The following FNTA variants were observed in gnomAD, a reference collection of about 807,000 sequenced individuals.
The protein encoded by FNTA is protein farnesyltransferase/geranylgeranyltransferase type-1 subunit alpha.
Under a neutral mutation model 55.2 loss-of-function variants are expected in FNTA, and 27 were observed. The ratio of observed to expected loss-of-function variants is 0.49; its 90% confidence interval spans 0.36 to 0.67. The LOEUF is 0.67. Ranked by LOEUF, FNTA falls within the 30% of genes least tolerant of loss-of-function variation. The pLI is 0.00. For synonymous variants in FNTA, 176 were observed against 170.7 expected, an observed-to-expected ratio of 1.03 and a Z score of -0.24; for missense variants, 422 against 464.7, an observed-to-expected ratio of 0.91 and a Z score of 0.85.
At chr8:43,084,987 TG>T in intron 8 of FNTA, 106 bp downstream of exon 8, 1 of 1,260,796 alleles carries the variant, frequency 7.9e-7, no homozygotes, top group Non-Finnish European at 1.1e-6. Context: ...CAGAATTCAG[TG>T]CAGGGCTATT....
At chr8:43,066,492 C>T (rs946371397) in intron 3 of FNTA, among the ~76,000 whole-genome samples, 4 of 151,576 alleles carry the variant, frequency 2.6e-5, no homozygotes, top group Admixed American at 6.6e-5. Flanking sequence ...ATCTCCTGAC[C>T]TCGTGATCCG....
At chr8:43,071,069 G>A (rs1181636563) in intron 4 of FNTA, among the ~76,000 whole-genome samples, 4 of 152,154 alleles carry the variant, frequency 2.6e-5, no homozygotes, top group Non-Finnish European at 5.9e-5. Flanking sequence ...TTCCAGGCAT[G>A]TAGAATAGGT....
intron 2 of FNTA, among the ~76,000 whole-genome samples, chr8:43,060,120 C>T (rs748915780): frequency 2.6e-5 from 4 of 152,136 alleles, no homozygotes; most frequent in Admixed American, 1.3e-4. Context: ...AGATGTAAAC[C>T]TCAGAATCGA....
intron 4 of FNTA, among the ~76,000 whole-genome samples, chr8:43,071,919 T>C (rs899805113): frequency 2.6e-5 from 4 of 152,242 alleles, no homozygotes; most frequent in Non-Finnish European, 4.4e-5. Context: ...TCTCTCATTA[T>C]ACAATCTAGT....
chr8:43,069,517 G>T, intron 3 of FNTA, 38 bp from the exon 4 acceptor site: 1 of 1,293,568 alleles, frequency 7.7e-7, no homozygotes, highest in South Asian at 1.2e-5. Flanking sequence ...GAACTTCTGT[G>T]TAATAATGCG....
chr8:43,058,311 A>G (rs550818294), intron 1 of FNTA, among the ~76,000 whole-genome samples: 5 of 152,274 alleles, frequency 3.3e-5, no homozygotes, highest in Non-Finnish European at 7.4e-5. Flanking sequence ...CAGATTCCAG[A>G]GCCTGTCTTA....
At chr8:43,059,880 G>A (rs1309123322) in intron 2 of FNTA, among the ~76,000 whole-genome samples, 1 of 152,166 alleles carries the variant, frequency 6.6e-6, no homozygotes, top group African/African-American at 2.4e-5. Context: ...TAAGTGTGCA[G>A]ATATATTACT....
intron 2 of FNTA, among the ~76,000 whole-genome samples, chr8:43,063,746 C>T (rs918005079): frequency 6.6e-6 from 1 of 151,882 alleles, no homozygotes. Flanking sequence ...GCATATTTTT[C>T]AGTTAAAAAT....
chr8:43,081,270 AATACACTTGCAAACATTT>A (rs1488494298), intron 6 of FNTA: 1 of 152,200 alleles, frequency 6.6e-6, no homozygotes, highest in African/African-American at 2.4e-5. Context: ...AAACTTTATA[AATACACTTGCAAACATTT>A]ATACACAGCA....
chr8:43,072,222 C>A lies in FNTA; in HGVS notation c.548C>A (p.Ser183Tyr), dbSNP rs1214391466. Residue 183 changes from serine to tyrosine, a missense_variant, in exon 5 of 9, where the codon TCT (serine) becomes TAT (tyrosine). This residue lies in a region of FNTA where 262 missense variants were observed against 343.1 expected (regional missense o/e 0.76). Coordinates refer to ENST00000302279, the MANE Select transcript of FNTA (RefSeq NM_002027.3). ...RVLVEWLRDPSQELEFIADIL... is the reference protein window; with the variant it reads ...RVLVEWLRDPYQELEFIADIL... ...TTAGTGGAATGGCTAAGAGATCCATCTCAGGAGCTTGAATTTATTGCTGAT... is the reference window on the plus strand; with the variant it reads ...TTAGTGGAATGGCTAAGAGATCCATATCAGGAGCTTGAATTTATTGCTGAT... 1 of 1,590,354 alleles carries A rather than the reference C, an allele frequency of 6.3e-7. No homozygotes were observed. Among genetic ancestry groups the A allele is most frequent in the East Asian group, 2.3e-5 (1 of 43,556 alleles).
intron 6 of FNTA, chr8:43,081,090 T>G (rs1811017015): frequency 6.6e-6 from 1 of 152,180 alleles, no homozygotes; most frequent in East Asian, 1.9e-4. Context: ...CACAGATAGA[T>G]GTACATAATT....
At chr8:43,063,367 C>A (rs1810581439) in intron 2 of FNTA, 1 of 454,314 alleles carries the variant, frequency 2.2e-6, no homozygotes, top group East Asian at 7.0e-5. Context: ...ATCCAATGCT[C>A]CCAATAAATA....
At position 43,060,099 on chromosome 8, in the gene FNTA, C is replaced by T. The variant is rs140331371; in HGVS notation, c.286+922C>T. On this transcript the variant is annotated intron_variant, in intron 2 of 8. Transcript: ENST00000302279. ...TCCCTATCATTCTTAGGATGGAGAA[C>T]GTATTAGGCAAGATGTAAACCTCAG... 2.0e-3 allele frequency among the ~76,000 whole-genome samples: 306 copies of T among 152,156 alleles called. 1 individual carries two copies. The highest frequency in any genetic ancestry group is 0.011 in the South Asian group (53 of 4,826).
At chr8:43,082,187 C>T (rs1364048779) in intron 6 of FNTA, 1 of 152,158 alleles carries the variant, frequency 6.6e-6, no homozygotes, top group Non-Finnish European at 1.5e-5. Flanking sequence ...AGTTCTGTGG[C>T]TTCCTTGGGA....
chr8:43,085,112 CT>C, intron 8 of FNTA, 47 bp from the exon 9 acceptor site: 9 of 1,444,650 alleles, frequency 6.2e-6, no homozygotes, highest in Non-Finnish European at 8.5e-6. Flanking sequence ...GGCATTTGCG[CT>C]TGAAATTGAA....
At chr8:43,060,536 G>C (rs1810506519) in intron 2 of FNTA, among the ~76,000 whole-genome samples, 1 of 152,038 alleles carries the variant, frequency 6.6e-6, no homozygotes, top group Admixed American at 6.6e-5. Flanking sequence ...TTAGCTGGGC[G>C]TGGTGGCAGG....
At chr8:43,068,165 G>C (rs1251398415) in intron 3 of FNTA, among the ~76,000 whole-genome samples, 2 of 152,034 alleles carry the variant, frequency 1.3e-5, no homozygotes, top group Non-Finnish European at 2.9e-5. Flanking sequence ...CAAAGTGCTG[G>C]GATTACAGGC....
chr8:43,060,630 A>T (rs928727046), intron 2 of FNTA, among the ~76,000 whole-genome samples: 2 of 151,592 alleles, frequency 1.3e-5, no homozygotes, highest in African/African-American at 4.9e-5. Context: ...AGCCACGATC[A>T]CGCCATTGCA....
intron 6 of FNTA, chr8:43,078,175 A>G (rs1185842709): frequency 6.6e-6 from 1 of 152,144 alleles, no homozygotes; most frequent in Non-Finnish European, 1.5e-5. Flanking sequence ...TAAAATTTAT[A>G]AAAGGCTTTA....
Sources: allele counts gnomAD v4.1 joint callset (sites outside exome capture counted in the v4.1 genomes callset), GRCh38; gene constraint gnomAD v4.1.1; regional missense constraint gnomAD v4.1.1; transcripts MANE v1.5; gene names NCBI Gene and HGNC (gene_info 2026-07-23, HGNC 2026-07-21).